Variants in ARHGEF2 observed in about 807,000 individuals in gnomAD.
ARHGEF2 encodes the protein rho guanine nucleotide exchange factor 2.
Under a neutral mutation model 121.0 loss-of-function variants are expected in ARHGEF2, and 22 were observed. The ratio of observed to expected loss-of-function variants is 0.18; its 90% confidence interval spans 0.13 to 0.26. The LOEUF is 0.26. Among genes scored for constraint, ARHGEF2 ranks in the 10% least tolerant of loss-of-function variants. The probability of loss-of-function intolerance (pLI) is 1.00; values close to 1 mark genes in which losing one functional copy is unlikely to be tolerated. For missense variants in ARHGEF2, 907 were observed against 1,336.0 expected, an observed-to-expected ratio of 0.68 and a Z score of 5.01; for synonymous variants, 487 against 530.0, an observed-to-expected ratio of 0.92 and a Z score of 1.11.
In ARHGEF2 at chr1:155,961,811, C is replaced by A. The variant is rs765360681; in HGVS notation, c.1318G>T (p.Ala440Ser). ...CGGTTGTAGATCTCCTGCAGACGGG[C>A]CCCTTTCTCCAGCTGATAAATACCC... ...DEGIYQLEKGARLQEIYNRMD... is the reference protein window; with the variant it reads ...DEGIYQLEKGSRLQEIYNRMD... The change falls in exon 11 of 22, where the codon GCC becomes TCC. Residue 440 changes from alanine (A) to serine (S), a missense_variant. This residue lies in a region of ARHGEF2 where 475 missense variants were observed against 776.5 expected (regional missense o/e 0.61). Coordinates refer to ENST00000361247, the MANE Select transcript of ARHGEF2 (RefSeq NM_001162383.2). The surrounding 1 kb of genome is among the most constrained non-coding windows in gnomAD (Gnocchi z 4.7). 3 of 1,614,058 alleles carry A rather than the reference C, an allele frequency of 1.9e-6. No homozygotes were observed. The highest frequency in any genetic ancestry group is 2.5e-6 in the Non-Finnish European group (3 of 1,180,006).
intron 1 of ARHGEF2, among the ~76,000 whole-genome samples, chr1:155,977,042 C>A (rs1681423792): frequency 6.6e-6 from 1 of 152,148 alleles, no homozygotes; most frequent in South Asian, 2.1e-4. Flanking sequence ...TGGCTAGGAA[C>A]TACCAGGGAG....
In ARHGEF2 at chr1:155,962,623, G is replaced by A. The variant is rs1299222141; in HGVS notation, c.1071C>T (p.Ala357=). 3 of 1,614,116 alleles carry A rather than the reference G, an allele frequency of 1.9e-6. No individual in the cohort carries two copies. The South Asian group carries it at 3.3e-5, about 18-fold the overall frequency. Residue 357 remains alanine (A), a synonymous_variant, in exon 9 of 22, where the codon GCC becomes GCT. Transcript: ENST00000361247. The surrounding 1 kb of genome is among the most constrained non-coding windows in gnomAD (Gnocchi z 5.8). The part of the protein sequence containing the change: ...KALKLYKELY[A]RDKRFQQFIR... ...TGAATTGCTGGAAGCGTTTGTCTCG[G>A]GCGTACAGCTCCTTATAGAGCTTTA...
At chr1:155,970,847 C>T in intron 1 of ARHGEF2, 2 of 986,418 alleles carry the variant, frequency 2.0e-6, no homozygotes, top group Non-Finnish European at 2.4e-6. Flanking sequence ...TCTTCCCAAG[C>T]TCCAGGTTTG....
In ARHGEF2 at chr1:155,950,206, C is replaced by G; in HGVS notation, c.2887+93G>C. The G allele has an allele frequency of 6.8e-7, 1 of 1,462,804 alleles. No homozygotes were observed. The allele number at this position is 1,462,804 out of a possible 1,614,324, so 90.6% of individuals were successfully genotyped here. Reference sequence around the variant, plus strand: ...CTCCCTAGAGTTACTACAAGCCTCACAGGTCAGTTAGGGCCCATTTGGAAG... The same window carrying G: ...CTCCCTAGAGTTACTACAAGCCTCAGAGGTCAGTTAGGGCCCATTTGGAAG... On this transcript the variant is annotated intron_variant, in intron 21 of 21. Coordinates refer to ENST00000361247, the MANE Select transcript of ARHGEF2 (RefSeq NM_001162383.2). This position sits in a 1 kb window ranked among gnomAD's most constrained non-coding sequence, Gnocchi z 5.2.
intron 7 of ARHGEF2, among the ~76,000 whole-genome samples, chr1:155,963,534 T>C (rs1249522105): frequency 6.6e-6 from 1 of 151,388 alleles, no homozygotes; most frequent in Non-Finnish European, 1.5e-5. Context: ...TTAGTAGAGA[T>C]GGGGTTTCTT....
chr1:155,961,890 C>G lies in ARHGEF2; in HGVS notation c.1239G>C (p.Gln413His). Residue 413 changes from glutamine (Q) to histidine (H), a missense_variant, in exon 11 of 22, where the codon CAG (glutamine) becomes CAC (histidine). By Grantham distance (24) the Gln-to-His change is conservative. Transcript: ENST00000361247. This position sits in a 1 kb window ranked among gnomAD's most constrained non-coding sequence, Gnocchi z 4.7. ...CTAGCCCCAGTGCTGTGGTCAGGTC[C>G]TGGCGCTCCTCCTCGATCCCTGGCA... ...QHSHGIEEER[Q>H]DLTTALGLVK... The G allele has an allele frequency of 6.2e-7, 1 of 1,614,138 alleles. No individual in the cohort carries two copies. The highest frequency in any genetic ancestry group is 8.5e-7 in the Non-Finnish European group (1 of 1,180,000).
chr1:155,952,300 C>A, intron 15 of ARHGEF2, 65 bp from the exon 16 acceptor site: 1 of 1,598,048 alleles, frequency 6.3e-7, no homozygotes, highest in Non-Finnish European at 8.5e-7. Context: ...ATGCCATTCA[C>A]CCCCACATGT....
chr1:155,950,554 T>A lies in ARHGEF2; in HGVS notation c.2704-72A>T. ...GTGAAGATTGGAGGTTCTGCTTGGC[T>A]GAAGGCAGCAGCTCTCCCCCCTGGG... is the stretch of plus-strand genomic sequence containing the variant. On this transcript the variant is annotated intron_variant, in intron 20 of 21. Transcript: ENST00000361247. The surrounding 1 kb of genome is among the most constrained non-coding windows in gnomAD (Gnocchi z 5.2). The A allele has an allele frequency of 1.3e-6, 2 of 1,506,258 alleles. No individual in the cohort carries two copies. The highest frequency in any genetic ancestry group is 1.8e-6 in the Non-Finnish European group (2 of 1,093,930). The allele number at this position is 1,506,258 out of a possible 1,614,324, so 93.3% of individuals were successfully genotyped here. A position where few individuals can be genotyped will look rare whatever the true frequency, so the allele number is the denominator to read the frequency against.
At position 155,970,942 on chromosome 1, in the gene ARHGEF2, C is replaced by T. The variant is rs539367928; in HGVS notation, c.64-1642G>A. 4.8e-5 allele frequency: 47 copies of T among 986,460 alleles called. No homozygotes were observed. In the South Asian group the frequency reaches 1.5e-3, roughly 31 times the overall value. 61.1% of individuals were successfully genotyped at this position (986,460 alleles called of 1,614,324 possible). On this transcript the variant is annotated intron_variant, in intron 1 of 21. Transcript: ENST00000361247. ...TCCCCATCCCCAATCATCCATTTTT[C>T]GCATCCTCCTCCTGTCTCCTGCTCT...
chr1:155,952,260 G>A (rs1451006563), intron 15 of ARHGEF2, 25 bp from the exon 16 acceptor site: 1 of 1,613,010 alleles, frequency 6.2e-7, no homozygotes, highest in African/African-American at 1.3e-5. Context: ...GAAGAGGTGA[G>A]AACAGGAATG....
Position 155,978,339 on chromosome 1 carries a change from G to A in ARHGEF2, c.63+26C>T. ...TCGGGGAGCACCCGAGGACCGCGGC[G>A]AAAGGAGAGGGGTTTCCGAGCCCAC... On this transcript the variant is annotated intron_variant, in intron 1 of 21. Coordinates refer to ENST00000361247, the MANE Select transcript of ARHGEF2 (RefSeq NM_001162383.2). The surrounding 1 kb of genome is among the most constrained non-coding windows in gnomAD (Gnocchi z 4.1). The A allele has an allele frequency of 1.3e-6, 2 of 1,496,526 alleles. No homozygotes were observed. The highest frequency in any genetic ancestry group is 1.8e-6 in the Non-Finnish European group (2 of 1,109,470). The allele number at this position is 1,496,526 out of a possible 1,614,324, so 92.7% of individuals were successfully genotyped here.
rs1011822160 is a variant in ARHGEF2 at position 155,956,271 on chromosome 1, G to T, written c.1716-1302C>A. Among the ~76,000 whole-genome samples, 3 of 151,726 alleles carry T rather than the reference G, an allele frequency of 2.0e-5. No individual in the cohort carries two copies. In the East Asian group the frequency reaches 5.9e-4, roughly 30 times the overall value. On this transcript the variant is annotated intron_variant, in intron 13 of 21. Transcript: ENST00000361247. ...ATGCCACCACGCCCGGCTAATTTTT[G>T]TATTTTTAGTAGAGACGAGGTTTCA...
At chr1:155,957,087 C>T (rs1041386002) in intron 13 of ARHGEF2, among the ~76,000 whole-genome samples, 1 of 151,736 alleles carries the variant, frequency 6.6e-6, no homozygotes, top group Non-Finnish European at 1.5e-5. Flanking sequence ...TAGAATTACA[C>T]TTACACTTCA....
rs772041028 is a variant in ARHGEF2 at position 155,951,309 on chromosome 1, C to T, written c.2260-37G>A. The T allele has an allele frequency of 9.5e-6, 15 of 1,572,324 alleles. No homozygotes were observed. The highest frequency in any genetic ancestry group is 1.3e-5 in the Non-Finnish European group (15 of 1,156,078). On this transcript the variant is annotated intron_variant, in intron 19 of 21. Coordinates refer to ENST00000361247, the MANE Select transcript of ARHGEF2 (RefSeq NM_001162383.2). This position sits in a 1 kb window ranked among gnomAD's most constrained non-coding sequence, Gnocchi z 5.1. ...ATGCAGGCAGAAGGGTTTATCAGAA[C>T]CCCTGTGCTCTTCTACCCCTCGCCT...
At chr1:155,954,461 G>C (rs1172444839) in intron 14 of ARHGEF2, among the ~76,000 whole-genome samples, 2 of 143,028 alleles carry the variant, frequency 1.4e-5, no homozygotes, top group African/African-American at 2.5e-5. Context: ...TTTTTTTTTT[G>C]TATTTTTTAG....
chr1:155,952,312 G>T (rs1274618623), intron 15 of ARHGEF2, 77 bp from the exon 16 acceptor site: 14 of 1,581,956 alleles, frequency 8.8e-6, no homozygotes, highest in Non-Finnish European at 1.2e-5. Flanking sequence ...CCCACATGTG[G>T]GACACTTGGG....
chr1:155,975,732 A>C (rs982009116), intron 1 of ARHGEF2, among the ~76,000 whole-genome samples: 2 of 151,960 alleles, frequency 1.3e-5, no homozygotes, highest in African/African-American at 4.8e-5. Context: ...CCACCTGCCC[A>C]CCACAGAGAT....
Position 155,947,549 on chromosome 1 carries a change from C to G in ARHGEF2, c.*393G>C. On this transcript the variant is annotated 3_prime_UTR_variant, in exon 22 of 22. Coordinates refer to ENST00000361247, the MANE Select transcript of ARHGEF2 (RefSeq NM_001162383.2). The stretch of plus-strand genomic sequence containing the variant: ...GAGGGCCGTTAGGGCAAGAACCCAG[C>G]AGCTGCGTGGATGAGCCTGAATATA... 2.5e-6 allele frequency: 1 copy of G among 403,720 alleles called. No homozygotes were observed. The highest frequency in any genetic ancestry group is 7.0e-5 in the East Asian group (1 of 14,338). The allele number at this position is 403,720 out of a possible 1,614,324, so 25.0% of individuals were successfully genotyped here.
rs1679232972 is a variant in ARHGEF2 at position 155,965,689 on chromosome 1, G to A, written c.412C>T (p.Arg138Cys). 1 of 1,609,470 alleles carries A rather than the reference G, an allele frequency of 6.2e-7. No individual in the cohort carries two copies. Among genetic ancestry groups the A allele is most frequent in the Non-Finnish European group, 8.5e-7 (1 of 1,178,930 alleles). ...AAAGACAAGGAGGAGCGGCCACGGCGGGAGCCCAGGAGGGACTGCCGGAAG... is the reference window on the plus strand; with the variant it reads ...AAAGACAAGGAGGAGCGGCCACGGCAGGAGCCCAGGAGGGACTGCCGGAAG... ...DSFRQSLLGSRRGRSSLSLAK... is the reference protein window; with the variant it reads ...DSFRQSLLGSCRGRSSLSLAK... The change falls in exon 5 of 22, where the codon CGC becomes TGC. Residue 138 changes from arginine to cysteine, a missense_variant. Physicochemically the swap from Arg to Cys is radical, Grantham distance 180. Around this residue, in one of 2 missense-constraint regions of ARHGEF2, gnomAD observed 475 missense variants for 776.5 expected, o/e 0.61. Coordinates refer to ENST00000361247, the MANE Select transcript of ARHGEF2 (RefSeq NM_001162383.2). The surrounding 1 kb of genome is among the most constrained non-coding windows in gnomAD (Gnocchi z 6.0).
Sources: gnomAD v4.1 joint callset for allele counts (sites outside exome capture counted in the v4.1 genomes callset) on GRCh38, gnomAD v4.1.1 for gene constraint, gnomAD v4.1.1 regional missense constraint, Gnocchi (gnomAD v3.1) non-coding constraint, MANE v1.5 for transcripts, NCBI Gene and HGNC (gene_info 2026-07-23, HGNC 2026-07-21) for gene names.